SOX6: variants seen among roughly 807,000 people sequenced by gnomAD.
SOX6 encodes the protein SRY-box transcription factor 6, also known as transcription factor SOX-6.
Under a neutral mutation model 97.8 loss-of-function variants are expected in SOX6, and 11 were observed. That is an observed-to-expected ratio of 0.11 (90% CI 0.07 to 0.19). The LOEUF is 0.19. Among genes scored for constraint, SOX6 ranks in the 10% least tolerant of loss-of-function variants. The probability of loss-of-function intolerance (pLI) is 1.00; values close to 1 mark genes in which losing one functional copy is unlikely to be tolerated. For synonymous variants in SOX6, 360 were observed against 371.4 expected (o/e 0.97, Z 0.35); for missense variants, 810 against 1,039.5 (o/e 0.78, Z 3.04).
intron 3 of SOX6, among the ~76,000 whole-genome samples, chr11:16,267,470 T>C (rs1349257757): frequency 6.6e-6 from 1 of 151,622 alleles, no homozygotes; most frequent in Non-Finnish European, 1.5e-5. Context: ...ACAAGGGAGA[T>C]GCAAATCAAA....
intron 3 of SOX6, among the ~76,000 whole-genome samples, chr11:16,631,315 A>G (rs187628595): frequency 6.6e-6 from 1 of 152,296 alleles, no homozygotes; most frequent in East Asian, 1.9e-4. Flanking sequence ...TTGTCTGGAA[A>G]ATATTTTTTA....
intron 2 of SOX6, among the ~76,000 whole-genome samples, chr11:16,336,801 T>C (rs1475516738): frequency 1.3e-5 from 2 of 152,142 alleles, no homozygotes; most frequent in Non-Finnish European, 2.9e-5. Context: ...ACTCTGTTGT[T>C]TTCTGTTTCT....
At chr11:16,367,529 G>A (rs1424815106) in intron 1 of SOX6, among the ~76,000 whole-genome samples, 1 of 152,186 alleles carries the variant, frequency 6.6e-6, no homozygotes, top group Non-Finnish European at 1.5e-5. Context: ...AGTACAGATA[G>A]TACTGCGTAT....
At chr11:16,641,255 T>C (rs1316800264) in intron 3 of SOX6, among the ~76,000 whole-genome samples, 3 of 152,238 alleles carry the variant, frequency 2.0e-5, no homozygotes, top group Non-Finnish European at 4.4e-5. Context: ...CTAGTTTGAT[T>C]GCACTGTGGT....
chr11:16,411,237 T>C (rs990387938), intron 1 of SOX6, among the ~76,000 whole-genome samples: 3 of 152,216 alleles, frequency 2.0e-5, no homozygotes, highest in Admixed American at 6.5e-5. Context: ...AAATGTGCTG[T>C]TGTCTGCGAG....
chr11:16,343,872 A>G (rs1856707724), intron 1 of SOX6, among the ~76,000 whole-genome samples: 1 of 152,002 alleles, frequency 6.6e-6, no homozygotes, highest in Middle Eastern at 3.4e-3. Context: ...ATCTACAAAT[A>G]CATATGTGTA....
intron 4 of SOX6, among the ~76,000 whole-genome samples, chr11:16,232,835 T>C (rs1332302378): frequency 6.6e-6 from 1 of 152,122 alleles, no homozygotes; most frequent in African/African-American, 2.4e-5. Context: ...TGCAGCTGGA[T>C]AGAGAATATG....
intron 3 of SOX6, among the ~76,000 whole-genome samples, chr11:16,243,360 T>C (rs898859351): frequency 6.6e-6 from 1 of 152,000 alleles, no homozygotes; most frequent in Non-Finnish European, 1.5e-5. Context: ...AGTTTCTTGA[T>C]GGTCAGGGAA....
At chr11:16,278,780 C>T (rs939822201) in intron 3 of SOX6, among the ~76,000 whole-genome samples, 2 of 151,924 alleles carry the variant, frequency 1.3e-5, no homozygotes, top group African/African-American at 4.8e-5. Context: ...ACAGAAAATT[C>T]TTATAGATTA....
chr11:16,587,711 A>T (rs1848110265), intron 4 of SOX6, among the ~76,000 whole-genome samples: 2 of 152,226 alleles, frequency 1.3e-5, no homozygotes, highest in South Asian at 4.1e-4. Context: ...GGTGTTATTT[A>T]TTCCTAGAGA....
chr11:16,013,875 G>A (rs928361240), intron 13 of SOX6, among the ~76,000 whole-genome samples: 1 of 151,992 alleles, frequency 6.6e-6, no homozygotes, highest in Non-Finnish European at 1.5e-5. Flanking sequence ...GCCATGCCCA[G>A]TTTAGATGCT....
intron 3 of SOX6, among the ~76,000 whole-genome samples, chr11:16,240,315 T>TGTGTGTGTGG (rs1048756319): frequency 1.4e-5 from 2 of 146,842 alleles, no homozygotes; most frequent in African/African-American, 5.0e-5. Flanking sequence ...TGTGTGTGTG[T>TGTGTGTGTGG]GGCAGTGGAA....
intron 13 of SOX6, among the ~76,000 whole-genome samples, chr11:16,010,460 T>G (rs2133857111): frequency 6.6e-6 from 1 of 152,072 alleles, no homozygotes. Flanking sequence ...CAAATCAAAA[T>G]GAGGTACAAC....
chr11:16,126,269 T>A (rs1849610110), intron 6 of SOX6, among the ~76,000 whole-genome samples: 1 of 151,942 alleles, frequency 6.6e-6, no homozygotes, highest in African/African-American at 2.4e-5. Flanking sequence ...ATCTATAGAC[T>A]TTTTTTTAGT....
rs552883347 is a variant in SOX6 at position 16,305,677 on chromosome 11, C to CTATAA, written c.445+12768_445+12769insTTATA. ...GTTCTTCAACAAGTAAATAGTTAAA[C>CTATAA]ATATGTGATTTATACATATGATGCA... On this transcript the variant is annotated intron_variant, in intron 3 of 15. Transcript: ENST00000683767. Among the ~76,000 whole-genome samples the CTATAA allele has an allele frequency of 7.3e-3, 1,104 of 152,272 alleles. 7 individuals carry two copies. Among genetic ancestry groups the CTATAA allele is most frequent in the Middle Eastern group, 0.02 (6 of 294 alleles).
intron 1 of SOX6, among the ~76,000 whole-genome samples, chr11:16,434,826 T>C (rs1296243707): frequency 6.6e-6 from 1 of 151,820 alleles, no homozygotes; most frequent in African/African-American, 2.4e-5. Context: ...ATTTATAAAA[T>C]CAGCCACAAA....
chr11:16,681,760 T>C (rs1483154493), intron 3 of SOX6, among the ~76,000 whole-genome samples: 1 of 151,690 alleles, frequency 6.6e-6, no homozygotes, highest in Admixed American at 6.6e-5. Context: ...ATAGAGACAA[T>C]AAAAAATGAT....
intron 13 of SOX6, among the ~76,000 whole-genome samples, chr11:16,000,327 T>C (rs1854366935): frequency 6.6e-6 from 1 of 152,152 alleles, no homozygotes; most frequent in African/African-American, 2.4e-5. Context: ...GAAGAAGAAA[T>C]GCCAGAGATG....
At chr11:16,619,779 GA>G (rs981496378) in intron 3 of SOX6, among the ~76,000 whole-genome samples, 1 of 151,898 alleles carries the variant, frequency 6.6e-6, no homozygotes, top group African/African-American at 2.4e-5. Flanking sequence ...CATTTAACAT[GA>G]AAAAATGCAA....
Sources: allele counts gnomAD v4.1 joint callset (sites outside exome capture counted in the v4.1 genomes callset), GRCh38; gene constraint gnomAD v4.1.1; transcripts MANE v1.5; gene names NCBI Gene and HGNC (gene_info 2026-07-23, HGNC 2026-07-21).